The following CD300A variants were observed in gnomAD, a reference collection of about 807,000 sequenced individuals.
The protein encoded by CD300A is CMRF35-like molecule 8.
CD300A carries 22 observed loss-of-function variants against 33.6 expected under a neutral mutation model. The observed-to-expected ratio is 0.66, with a 90% CI of 0.47 to 0.94. CD300A has a LOEUF of 0.94. Ranked by LOEUF, CD300A falls within the 40% of genes least tolerant of loss-of-function variation. CD300A has a pLI of 0.00. For synonymous variants in CD300A, 136 were observed against 148.1 expected (o/e 0.92, Z 0.59); for missense variants, 326 against 360.5 (o/e 0.90, Z 0.77).
At chr17:74,470,681 C>G (rs1906040586) in intron 1 of CD300A, among the ~76,000 whole-genome samples, 3 of 152,182 alleles carry the variant, frequency 2.0e-5, no homozygotes, top group African/African-American at 7.2e-5. Flanking sequence ...TAGAGTCTCA[C>G]TCTGTCGCCC....
chr17:74,478,431 C>G (rs1474019532), intron 4 of CD300A, among the ~76,000 whole-genome samples: 3 of 152,228 alleles, frequency 2.0e-5, no homozygotes, highest in Non-Finnish European at 4.4e-5. Context: ...CAGGCAATCT[C>G]TAGTCCAGCT....
In CD300A at chr17:74,481,587, G is replaced by C. The variant is rs182835417; in HGVS notation, c.667-139G>C. 22 of 687,040 alleles carry C rather than the reference G, an allele frequency of 3.2e-5. No homozygotes were observed. The South Asian group carries it at 3.8e-4, about 12-fold the overall frequency. The allele number at this position is 687,040 out of a possible 1,614,324, so 42.6% of individuals were successfully genotyped here. On this transcript the variant is annotated intron_variant, in intron 5 of 6. Coordinates refer to ENST00000360141, the MANE Select transcript of CD300A (RefSeq NM_007261.4). ...CCTGGGGAACATTAAACTACTGGAC[G>C]GAGTGGGGTGGAGGCAGGAAGGGGA...
intron 1 of CD300A, 132 bp downstream of exon 1, chr17:74,466,875 T>C (rs1905745564): frequency 2.6e-6 from 4 of 1,521,278 alleles, no homozygotes; most frequent in Non-Finnish European, 3.5e-6. Flanking sequence ...GTGCGCTCTG[T>C]CTACCACATA....
chr17:74,479,508 T>C (rs1328044581), intron 4 of CD300A, among the ~76,000 whole-genome samples: 3 of 152,096 alleles, frequency 2.0e-5, no homozygotes, highest in African/African-American at 7.2e-5. Context: ...GGATTACAGA[T>C]GTGAGCCACC....
At position 74,474,675 on chromosome 17, in the gene CD300A, G is replaced by T; in HGVS notation, c.523G>T (p.Val175Leu). ...CATCCAGGAGGAAACTGAGGAGGTGGTGAACTCACAGTAAGCACCCTAGCC... is the reference window on the plus strand; with the variant it reads ...CATCCAGGAGGAAACTGAGGAGGTGTTGAACTCACAGTAAGCACCCTAGCC... ...ASIQEETEEV[V>L]NSQLPLLLSL... The change falls in exon 3 of 7, where the codon GTG (valine) becomes TTG (leucine). Residue 175 changes from valine (V) to leucine (L), a missense_variant. Physicochemically the swap from Val to Leu is conservative, Grantham distance 32. Coordinates refer to ENST00000360141, the MANE Select transcript of CD300A (RefSeq NM_007261.4). 1 of 1,614,132 alleles carries T rather than the reference G, an allele frequency of 6.2e-7. No homozygotes were observed. Among genetic ancestry groups the T allele is most frequent in the South Asian group, 1.1e-5 (1 of 91,086 alleles).
chr17:74,479,778 G>T (rs1906710834), intron 4 of CD300A, among the ~76,000 whole-genome samples: 1 of 152,170 alleles, frequency 6.6e-6, no homozygotes, highest in Admixed American at 6.5e-5. Flanking sequence ...CTGACTGTGT[G>T]GCTGGGGCTG....
upstream of CD300A, chr17:74,466,542 A>C (rs772171613): frequency 1.9e-5 from 15 of 789,744 alleles, no homozygotes; most frequent in Middle Eastern, 2.3e-4. Context: ...AGCTTCCTGC[A>C]TTTTCTGACC....
chr17:74,472,241 A>G (rs1906154863), intron 1 of CD300A, among the ~76,000 whole-genome samples: 1 of 150,894 alleles, frequency 6.6e-6, no homozygotes. Flanking sequence ...CCATCTCAAA[A>G]AAAAAAAAAA....
At chr17:74,469,352 C>A (rs1905937112) in intron 1 of CD300A, among the ~76,000 whole-genome samples, 1 of 150,982 alleles carries the variant, frequency 6.6e-6, no homozygotes, top group South Asian at 2.1e-4. Flanking sequence ...GCAAGCAAGA[C>A]CCCGTCTCTT....
intron 4 of CD300A, among the ~76,000 whole-genome samples, chr17:74,477,745 G>T (rs1378629597): frequency 6.6e-6 from 1 of 152,142 alleles, no homozygotes; most frequent in Non-Finnish European, 1.5e-5. Context: ...CAAGCAGGAG[G>T]CTTTCCCACT....
rs919312372 is a variant in CD300A at position 74,483,917 on chromosome 17, T to C, written c.775-84T>C. 7 of 1,512,572 alleles carry C rather than the reference T, an allele frequency of 4.6e-6. No homozygotes were observed. In the African/African-American group the frequency reaches 8.3e-5, roughly 18 times the overall value. 93.7% of individuals were successfully genotyped at this position (1,512,572 alleles called of 1,614,324 possible). ...TGAGGCCTCCCCAAAGCCCCTCAGG[T>C]GTCCTCCCTCCTCCATCCTATGTTG... On this transcript the variant is annotated intron_variant, in intron 6 of 6. Transcript: ENST00000360141.
At position 74,477,590 on chromosome 17, in the gene CD300A, C is replaced by T. The variant is rs569822183; in HGVS notation, c.628+60C>T. The T allele has an allele frequency of 9.1e-4, 988 of 1,085,824 alleles. 2 individuals carry two copies. The highest frequency in any genetic ancestry group is 1.1e-3 in the Non-Finnish European group (763 of 712,956). The allele number at this position is 1,085,824 out of a possible 1,614,324, so 67.3% of individuals were successfully genotyped here. A position where few individuals can be genotyped will look rare whatever the true frequency, so the allele number is the denominator to read the frequency against. ...GGGGTGGTCAGACCCTGACCACAGACGCTCATCTTCAAAGCTATGTCCACG... is the reference window on the plus strand; with the variant it reads ...GGGGTGGTCAGACCCTGACCACAGATGCTCATCTTCAAAGCTATGTCCACG... On this transcript the variant is annotated intron_variant, in intron 4 of 6. Transcript: ENST00000360141.
chr17:74,471,115 T>G (rs1453620909), intron 1 of CD300A, among the ~76,000 whole-genome samples: 1 of 152,160 alleles, frequency 6.6e-6, no homozygotes, highest in Non-Finnish European at 1.5e-5. Context: ...CCTGGCTAAT[T>G]TTTGTATTTT....
At chr17:74,477,192 T>C (rs543156191) in intron 3 of CD300A, among the ~76,000 whole-genome samples, 27 of 151,862 alleles carry the variant, frequency 1.8e-4, no homozygotes, top group African/African-American at 5.1e-4. Context: ...TATAGCAAGA[T>C]TGAGTCTCTA....
intron 4 of CD300A, among the ~76,000 whole-genome samples, chr17:74,479,690 T>A (rs1467383383): frequency 2.0e-5 from 3 of 152,154 alleles, no homozygotes; most frequent in Non-Finnish European, 4.4e-5. Flanking sequence ...TAACCCATCC[T>A]CAGTAACAAG....
chr17:74,479,392 TCAC>T (rs1906689197), intron 4 of CD300A, among the ~76,000 whole-genome samples: 1 of 151,880 alleles, frequency 6.6e-6, no homozygotes, highest in African/African-American at 2.4e-5. Flanking sequence ...CTACAGGTGC[TCAC>T]CACCACGTCT....
chr17:74,480,784 G>A lies in CD300A; in HGVS notation c.629-505G>A, dbSNP rs182326361. Among the ~76,000 whole-genome samples, 1 of 152,056 alleles carries A rather than the reference G, an allele frequency of 6.6e-6. No individual in the cohort carries two copies. Among genetic ancestry groups the A allele is most frequent in the Non-Finnish European group, 1.5e-5 (1 of 68,010 alleles). On this transcript the variant is annotated intron_variant, in intron 4 of 6. Coordinates refer to ENST00000360141, the MANE Select transcript of CD300A (RefSeq NM_007261.4). This position sits in a 1 kb window ranked among gnomAD's most constrained non-coding sequence, Gnocchi z 4.2. ...CGTTTTTGAGACAGAGTCTTGCTCT[G>A]TTGCCCAGGCTGGAGTGCAGTGGCA...
In CD300A at chr17:74,473,947, C is replaced by T. The variant is rs541409476; in HGVS notation, c.379+73C>T. 3.4e-5 allele frequency: 51 copies of T among 1,515,306 alleles called. No homozygotes were observed. The South Asian group carries it at 3.8e-4, about 11-fold the overall frequency. The allele number at this position is 1,515,306 out of a possible 1,614,324, so 93.9% of individuals were successfully genotyped here. On this transcript the variant is annotated intron_variant, in intron 2 of 6. Transcript: ENST00000360141. Reference sequence around the variant, plus strand: ...GTTGGGGCAGGAATCAGATCAGAGACGTGAAGCAGACAGTGTGTGTGTGTG... The same window carrying T: ...GTTGGGGCAGGAATCAGATCAGAGATGTGAAGCAGACAGTGTGTGTGTGTG...
rs755766163 is a variant in CD300A at position 74,466,719 on chromosome 17, G to A, written c.16G>A (p.Ala6Thr). 8 of 1,596,500 alleles carry A rather than the reference G, an allele frequency of 5.0e-6. No homozygotes were observed. The African/African-American group carries it at 1.1e-4, about 21-fold the overall frequency. Residue 6 changes from alanine (A) to threonine (T), a missense_variant, in exon 1 of 7, where the codon GCT becomes ACT. Physicochemically the swap from Ala to Thr is moderately conservative, Grantham distance 58 (BLOSUM62 0). Coordinates refer to ENST00000360141, the MANE Select transcript of CD300A (RefSeq NM_007261.4). MWLPW[A>T]LLLLWVPGCF... The stretch of plus-strand genomic sequence containing the variant: ...GGAAGGGACCATGTGGCTGCCTTGG[G>A]CTCTGTTGCTTCTCTGGGTCCCAGG...
Sources: gnomAD v4.1 joint callset for allele counts (sites outside exome capture counted in the v4.1 genomes callset) on GRCh38, gnomAD v4.1.1 for gene constraint, Gnocchi (gnomAD v3.1) non-coding constraint, MANE v1.5 for transcripts, NCBI Gene and HGNC (gene_info 2026-07-23, HGNC 2026-07-21) for gene names.